Variants in TBC1D2 observed in about 807,000 individuals in gnomAD.
TBC1D2 encodes the protein TBC1 domain family member 2A.
A neutral mutation model predicts 91.1 loss-of-function variants in TBC1D2; 58 were observed. The observed-to-expected ratio is 0.64, with a 90% confidence interval of 0.52 to 0.79. The LOEUF is 0.79. Among genes scored for constraint, TBC1D2 ranks in the 30% least tolerant of loss-of-function variants. The pLI is 0.00. For synonymous variants in TBC1D2, 482 were observed against 511.5 expected, an observed-to-expected ratio of 0.94 and a Z score of 0.78; for missense variants, 1,080 against 1,208.3, an observed-to-expected ratio of 0.89 and a Z score of 1.57.
In TBC1D2 at chr9:98,208,958, C is replaced by G. The variant is rs1216065681; in HGVS notation, c.1860G>C (p.Gln620His). Reference sequence around the variant, plus strand: ...CACGGGGTACTCCTGCCCGCAGTAGCTGCTTGAGCTCGGCTGAGGGCACAA... The same window carrying G: ...CACGGGGTACTCCTGCCCGCAGTAGGTGCTTGAGCTCGGCTGAGGGCACAA... ...GDLVPSAELK[Q>H]LLRAGVPREH... is the part of the protein sequence containing the mutation. The change falls in exon 9 of 13, where the codon CAG becomes CAC. Residue 620 changes from glutamine (Q) to histidine (H), a missense_variant. Gln to His is a conservative substitution (Grantham distance 24). Transcript: ENST00000465784. The G allele has an allele frequency of 1.2e-6, 2 of 1,614,150 alleles. No individual in the cohort carries two copies. Among genetic ancestry groups the G allele is most frequent in the Non-Finnish European group, 1.7e-6 (2 of 1,180,016 alleles).
chr9:98,249,453 CTTCTTCAAAT>C (rs1435509715), intron 2 of TBC1D2, among the ~76,000 whole-genome samples: 2 of 152,202 alleles, frequency 1.3e-5, no homozygotes, highest in Admixed American at 1.3e-4. Flanking sequence ...CCACAATCTG[CTTCTTCAAAT>C]TTCAGTTAAG....
chr9:98,200,886 C>T (rs1828477573), intron 11 of TBC1D2, among the ~76,000 whole-genome samples: 1 of 152,034 alleles, frequency 6.6e-6, no homozygotes, highest in South Asian at 2.1e-4. Context: ...TATGGTGTTG[C>T]ATGCCTGTAA....
At chr9:98,229,218 A>G (rs1326725683) in intron 4 of TBC1D2, 70 bp from the exon 5 acceptor site, 4 of 1,473,064 alleles carry the variant, frequency 2.7e-6, no homozygotes, top group Non-Finnish European at 2.8e-6. Context: ...AGCTTGCTTT[A>G]GAAGCACCTG....
chr9:98,206,253 GC>G (rs1356304744), intron 9 of TBC1D2, among the ~76,000 whole-genome samples: 2 of 152,230 alleles, frequency 1.3e-5, no homozygotes, highest in African/African-American at 2.4e-5. Context: ...ACTGTGCCTG[GC>G]CTATTACAAG....
chr9:98,249,674 T>C (rs1829832425), intron 2 of TBC1D2, among the ~76,000 whole-genome samples: 1 of 152,134 alleles, frequency 6.6e-6, no homozygotes, highest in African/African-American at 2.4e-5. Flanking sequence ...TTATTAAGAA[T>C]AAAAGGAACA....
In TBC1D2 at chr9:98,199,584, G is replaced by T; in HGVS notation, c.2584C>A (p.Leu862Met). Residue 862 changes from leucine to methionine, a missense_variant, in exon 13 of 13, where the codon CTG becomes ATG. Transcript: ENST00000465784. ...FTKTISNSRK[L>M]MNIAFNDMNP... is the part of the protein sequence containing the mutation. The stretch of plus-strand genomic sequence containing the variant: ...ATGTCATTGAAGGCGATGTTCATCA[G>T]CTTCCTGGGAGGAGGGCACAATCAG... 1 of 1,614,004 alleles carries T rather than the reference G, an allele frequency of 6.2e-7. No homozygotes were observed. Among genetic ancestry groups the T allele is most frequent in the Non-Finnish European group, 8.5e-7 (1 of 1,180,032 alleles).
At chr9:98,231,430 T>C (rs1829367724) in intron 4 of TBC1D2, among the ~76,000 whole-genome samples, 1 of 152,110 alleles carries the variant, frequency 6.6e-6, no homozygotes, top group African/African-American at 2.4e-5. Context: ...CATTTAAAAA[T>C]CTGATTACAA....
Position 98,213,227 on chromosome 9 carries a change from G to C in TBC1D2, c.1375-9C>G. 1.2e-6 allele frequency: 2 copies of C among 1,614,174 alleles called. No individual in the cohort carries two copies. The highest frequency in any genetic ancestry group is 1.7e-6 in the Non-Finnish European group (2 of 1,180,006). On this transcript the variant is annotated splice_polypyrimidine_tract_variant and intron_variant, in intron 6 of 12. Transcript: ENST00000465784. ...TAAGCTTCCATGTCATCCTGGAGAAGAGAGTAAAATATGTTATCAGTTGGA... is the reference window on the plus strand; with the variant it reads ...TAAGCTTCCATGTCATCCTGGAGAACAGAGTAAAATATGTTATCAGTTGGA...
intron 1 of TBC1D2, among the ~76,000 whole-genome samples, 176 bp downstream of exon 1, chr9:98,254,997 G>A (rs1190866393): frequency 6.6e-6 from 1 of 152,200 alleles, no homozygotes; most frequent in Non-Finnish European, 1.5e-5. Flanking sequence ...TCCCTGCCTT[G>A]TGGGAACCCA....
At position 98,208,900 on chromosome 9, in the gene TBC1D2, G is replaced by A. The variant is rs1241884715; in HGVS notation, c.1918C>T (p.His640Tyr). Residue 640 changes from histidine (H) to tyrosine (Y), a missense_variant, in exon 9 of 13, where the codon CAC becomes TAC. His to Tyr is a moderately conservative substitution (Grantham distance 83). Transcript: ENST00000465784. ...GTGTGCAGGTGCTGGACACGGAGGT[G>A]GACCAGCCACCTCCAGACACGAGGC... ...HRPRVWRWLV[H>Y]LRVQHLHTPG... The A allele has an allele frequency of 6.2e-7, 1 of 1,614,150 alleles. No homozygotes were observed. The highest frequency in any genetic ancestry group is 1.1e-5 in the South Asian group (1 of 91,078).
intron 6 of TBC1D2, among the ~76,000 whole-genome samples, chr9:98,214,269 T>C (rs1431789323): frequency 9.4e-6 from 1 of 106,546 alleles, no homozygotes; most frequent in East Asian, 2.9e-4. Context: ...CGTGGCCAGA[T>C]TGATTTGGAA....
intron 2 of TBC1D2, among the ~76,000 whole-genome samples, chr9:98,250,287 G>A (rs1021141549): frequency 6.6e-6 from 1 of 151,804 alleles, no homozygotes; most frequent in East Asian, 1.9e-4. Context: ...TGAGCCCTGA[G>A]TGCAGGAGTG....
chr9:98,252,576 A>G (rs1035893746), intron 1 of TBC1D2, among the ~76,000 whole-genome samples: 1 of 151,980 alleles, frequency 6.6e-6, no homozygotes, highest in East Asian at 1.9e-4. Flanking sequence ...ACATCCAATA[A>G]CTCCTGGATT....
chr9:98,245,180 C>T lies in TBC1D2; in HGVS notation c.512-1051G>A, dbSNP rs558195650. 5.3e-4 allele frequency among the ~76,000 whole-genome samples: 80 copies of T among 152,142 alleles called. 1 individual carries two copies. The highest frequency in any genetic ancestry group is 3.2e-3 in the Middle Eastern group (1 of 316). On this transcript the variant is annotated intron_variant, in intron 2 of 12. Transcript: ENST00000465784. ...GCCTCAACCCAGGAGGCGGAGCTTG[C>T]AGTGAGCCTAGATCGTGCCACTGCA...
intron 3 of TBC1D2, 40 bp downstream of exon 3, chr9:98,243,954 C>T: frequency 6.3e-7 from 1 of 1,579,046 alleles, no homozygotes; most frequent in South Asian, 1.2e-5. Context: ...GAAGGGGCTG[C>T]CTGCAGCTTG....
chr9:98,218,350 C>T (rs953336408), intron 6 of TBC1D2, among the ~76,000 whole-genome samples: 6 of 151,804 alleles, frequency 4.0e-5, no homozygotes, highest in African/African-American at 9.7e-5. Context: ...GCAGATCACG[C>T]GGTCAGGAGA....
chr9:98,221,165 C>T lies in TBC1D2; in HGVS notation c.1042G>A (p.Ala348Thr), dbSNP rs777638174. 2.6e-6 allele frequency: 4 copies of T among 1,566,190 alleles called. No homozygotes were observed. The highest frequency in any genetic ancestry group is 2.6e-6 in the Non-Finnish European group (3 of 1,155,566). ...TTGTCCTCAGCCGCCGCCAGGTATG[C>T]GCTGGACGCCCGCTTCTCCTGCTGG... ...AAQQEKRASS[A>T]YLAAAEDKDR... Residue 348 changes from alanine (A) to threonine (T), a missense_variant, in exon 6 of 13, where the codon GCA (alanine) becomes ACA (threonine). Transcript: ENST00000465784.
Position 98,210,671 on chromosome 9 carries a change from T to A in TBC1D2, c.1658A>T (p.Glu553Val). Residue 553 changes from glutamate to valine, a missense_variant, in exon 8 of 13, where the codon GAG becomes GTG. Glu to Val is a moderately radical substitution (Grantham distance 121). Transcript: ENST00000465784. ...CCAGGCTCACCTGATGGGGCTCAGC[T>A]CGATGCTGTCAGATGAGGCCTCCCC... ...EAGEASSDSI[E>V]LSPISKYDEY... 1 of 1,599,784 alleles carries A rather than the reference T, an allele frequency of 6.3e-7. No individual in the cohort carries two copies. Among genetic ancestry groups the A allele is most frequent in the Non-Finnish European group, 8.5e-7 (1 of 1,172,498 alleles).
intron 9 of TBC1D2, among the ~76,000 whole-genome samples, chr9:98,205,328 G>A (rs571620124): frequency 6.6e-6 from 1 of 152,354 alleles, no homozygotes; most frequent in African/African-American, 2.4e-5. Flanking sequence ...CTGCTCAGGT[G>A]TATGGCTGAA....
Sources: allele counts gnomAD v4.1 joint callset (sites outside exome capture counted in the v4.1 genomes callset), GRCh38; gene constraint gnomAD v4.1.1; transcripts MANE v1.5; gene names NCBI Gene and HGNC (gene_info 2026-07-23, HGNC 2026-07-21).